Variants in TNPO3 observed in about 807,000 individuals in gnomAD.
The protein encoded by TNPO3 is transportin-3.
In TNPO3, 65 loss-of-function variants were observed where a neutral mutation model predicts 122.8. That is an observed-to-expected ratio of 0.53 (90% CI 0.43 to 0.65). The LOEUF (loss-of-function observed/expected upper bound fraction) is 0.65, where lower values mean the gene tolerates loss of function less well. TNPO3 is among the 30% of genes least tolerant of loss of function. TNPO3 has a pLI of 0.00. For missense variants in TNPO3, 850 were observed against 1,136.7 expected, an observed-to-expected ratio of 0.75 and a Z score of 3.63; for synonymous variants, 372 against 411.2, an observed-to-expected ratio of 0.90 and a Z score of 1.15.
Position 129,002,775 on chromosome 7 carries a change from G to A in TNPO3, c.697-1541C>T, listed in dbSNP as rs144910718. ...CTACTAAAAATACAAAAAATTGGCC[G>A]GGCGCGGTGGCTCACGCCTGTAATC... On this transcript the variant is annotated intron_variant, in intron 5 of 22. Transcript: ENST00000265388. Among the ~76,000 whole-genome samples, 1,032 of 152,116 alleles carry A rather than the reference G, an allele frequency of 6.8e-3. 8 individuals are homozygous for A. The highest frequency in any genetic ancestry group is 0.024 in the African/African-American group (987 of 41,478).
chr7:129,015,434 A>G (rs1437171537), intron 3 of TNPO3, among the ~76,000 whole-genome samples: 1 of 152,276 alleles, frequency 6.6e-6, no homozygotes, highest in African/African-American at 2.4e-5. Flanking sequence ...ATATGGGTGA[A>G]CAAATATATA....
chr7:129,026,041 G>C (rs968429732), intron 1 of TNPO3, among the ~76,000 whole-genome samples: 1 of 150,758 alleles, frequency 6.6e-6, no homozygotes, highest in Non-Finnish European at 1.5e-5. Context: ...CAGGAGAATT[G>C]CTTGAACCTG....
chr7:129,005,130 A>G lies in TNPO3; in HGVS notation c.582T>C (p.Asp194=), dbSNP rs148885407. ...LMTCVEKAGT[D]EKMLMKVFRC... The stretch of plus-strand genomic sequence containing the variant: ...GAAAAACCTTCATAAGCATTTTCTC[A>G]TCTGTTCCTGCTTTTTCTACACAGG... The change falls in exon 5 of 23, where the codon GAT becomes GAC. Residue 194 remains aspartate (D), a synonymous_variant. Transcript: ENST00000265388. 148 of 1,613,854 alleles carry G rather than the reference A, an allele frequency of 9.2e-5. No individual in the cohort carries two copies. The African/African-American group carries it at 1.8e-3, about 20-fold the overall frequency.
chr7:129,033,710 C>T (rs1563109646), intron 1 of TNPO3, among the ~76,000 whole-genome samples: 1 of 151,922 alleles, frequency 6.6e-6, no homozygotes, highest in Admixed American at 6.6e-5. Flanking sequence ...GCCAGGAGTT[C>T]GAGACCAGCC....
At chr7:128,997,200 T>C (rs1345146099) in intron 8 of TNPO3, among the ~76,000 whole-genome samples, 189 bp downstream of exon 8, 2 of 152,230 alleles carry the variant, frequency 1.3e-5, no homozygotes, top group Non-Finnish European at 2.9e-5. Flanking sequence ...GGATTCCCTA[T>C]GTTGCCCAGG....
At chr7:129,031,302 AAAAGAAAGAAAG>A (rs113746995) in intron 1 of TNPO3, among the ~76,000 whole-genome samples, 2 of 151,680 alleles carry the variant, frequency 1.3e-5, no homozygotes, top group African/African-American at 2.4e-5. Flanking sequence ...TCTATGTCAA[AAAAGAAAGAAAG>A]AAAGAAAGAA....
chr7:128,997,039 T>C (rs920022821), intron 8 of TNPO3, among the ~76,000 whole-genome samples: 2 of 152,142 alleles, frequency 1.3e-5, no homozygotes, highest in Non-Finnish European at 2.9e-5. Context: ...TTTCCCTAAA[T>C]AGACCTAACA....
chr7:129,030,229 T>C lies in TNPO3; in HGVS notation c.121-12072A>G, dbSNP rs536178027. 1.4e-4 allele frequency: 29 copies of C among 209,858 alleles called. 1 individual carries two copies. In the Admixed American group the frequency reaches 1.4e-3, roughly 10 times the overall value. 13.0% of individuals were successfully genotyped at this position (209,858 alleles called of 1,614,324 possible). ...ATTCATCCAGTATATGGGAAGAACA[T>C]GTGATGGCCTTGATCAGATTGTTGA... is the stretch of plus-strand genomic sequence containing the variant. On this transcript the variant is annotated intron_variant, in intron 1 of 22. Transcript: ENST00000265388.
At chr7:128,968,157 A>G (rs73463022) in intron 20 of TNPO3, among the ~76,000 whole-genome samples, 3,643 of 152,312 alleles carry the variant, frequency 0.024, 73 homozygotes, top group East Asian at 0.064. Flanking sequence ...CTAAGCCACC[A>G]TGTCAGAAAG....
intron 4 of TNPO3, among the ~76,000 whole-genome samples, chr7:129,010,963 G>A (rs954067926): frequency 2.0e-5 from 3 of 151,920 alleles, no homozygotes; most frequent in African/African-American, 7.3e-5. Flanking sequence ...AAGCCCTTCA[G>A]AAAATTATCT....
In TNPO3 at chr7:128,984,162, A is replaced by G; in HGVS notation, c.1782+6T>C. 6.4e-7 allele frequency: 1 copy of G among 1,570,888 alleles called. No homozygotes were observed. Among genetic ancestry groups the G allele is most frequent in the Non-Finnish European group, 8.7e-7 (1 of 1,154,686 alleles). ...TTTGTTTCACACCTTCCTTAATTGG[A>G]CTTACCTTTTTCAATGCCATAACCT... On this transcript the variant is annotated splice_donor_region_variant and intron_variant, in intron 13 of 22. Transcript: ENST00000265388.
At chr7:129,023,639 G>A (rs1339322047) in intron 1 of TNPO3, among the ~76,000 whole-genome samples, 5 of 152,122 alleles carry the variant, frequency 3.3e-5, no homozygotes, top group African/African-American at 1.2e-4. Flanking sequence ...CCAGAGACAG[G>A]ACAATTTAGG....
chr7:129,031,417 C>G (rs775230238), intron 1 of TNPO3, among the ~76,000 whole-genome samples: 3 of 152,052 alleles, frequency 2.0e-5, no homozygotes, highest in Non-Finnish European at 4.4e-5. Context: ...GTATTATGAA[C>G]AAATGCAAGT....
chr7:129,033,154 A>G (rs1806142103), intron 1 of TNPO3, among the ~76,000 whole-genome samples: 1 of 152,218 alleles, frequency 6.6e-6, no homozygotes, highest in South Asian at 2.1e-4. Context: ...CACATATGAA[A>G]GTTAACTCAA....
intron 1 of TNPO3, among the ~76,000 whole-genome samples, chr7:129,027,302 T>C (rs1211223275): frequency 6.6e-6 from 1 of 152,030 alleles, no homozygotes; most frequent in South Asian, 2.1e-4. Context: ...GGCTCACACC[T>C]ATAATCCCAG....
At chr7:128,994,875 C>T (rs1276059248) in intron 8 of TNPO3, among the ~76,000 whole-genome samples, 5 of 152,150 alleles carry the variant, frequency 3.3e-5, no homozygotes, top group South Asian at 2.1e-4. Flanking sequence ...CCAGGCTGGT[C>T]TCAAACTCCT....
chr7:129,030,636 T>G (rs1805821137), intron 1 of TNPO3: 1 of 152,122 alleles, frequency 6.6e-6, no homozygotes, highest in African/African-American at 2.4e-5. Flanking sequence ...AGGATATGGG[T>G]CACACATTAT....
At chr7:128,977,692 G>A (rs989296228) in intron 16 of TNPO3, among the ~76,000 whole-genome samples, 7 of 151,244 alleles carry the variant, frequency 4.6e-5, no homozygotes, top group Middle Eastern at 3.2e-3. Context: ...CACCCTCCGG[G>A]TTCAAATGAT....
chr7:129,027,093 T>C (rs767221841), intron 1 of TNPO3, among the ~76,000 whole-genome samples: 23 of 152,200 alleles, frequency 1.5e-4, no homozygotes, highest in Admixed American at 1.3e-3. Flanking sequence ...GATTTTTTTC[T>C]GTAAAATTTG....
Sources: allele counts gnomAD v4.1 joint callset (sites outside exome capture counted in the v4.1 genomes callset), GRCh38; gene constraint gnomAD v4.1.1; transcripts MANE v1.5; gene names NCBI Gene and HGNC (gene_info 2026-07-23, HGNC 2026-07-21).